PAM: variants seen among roughly 807,000 people sequenced by gnomAD.
PAM encodes the protein peptidyl-glycine alpha-amidating monooxygenase.
PAM carries 72 observed loss-of-function variants against 122.1 expected under a neutral mutation model. That is an observed-to-expected ratio of 0.59 (90% CI 0.49 to 0.72). The LOEUF (loss-of-function observed/expected upper bound fraction) is 0.72, where lower values mean the gene tolerates loss of function less well. Among genes scored for constraint, PAM ranks in the 30% least tolerant of loss-of-function variants. The pLI, the probability that PAM is intolerant of heterozygous loss-of-function variation, is 0.00. For synonymous variants in PAM, 389 were observed against 404.4 expected (o/e 0.96, Z 0.46); for missense variants, 1,106 against 1,183.7 (o/e 0.93, Z 0.96).
At chr5:102,934,264 T>C (rs1435484117) in intron 7 of PAM, among the ~76,000 whole-genome samples, 2 of 152,144 alleles carry the variant, frequency 1.3e-5, no homozygotes, top group Non-Finnish European at 2.9e-5. Context: ...TAAGCACTCA[T>C]CCTAGCCTTC....
rs189751226 is a variant in PAM at position 102,924,878 on chromosome 5, C to A, written c.357-79C>A. ...TACTTTGGTTTCAAATACCTTCCCC[C>A]ATCACCTCCCACCATGGGGAGCAAT... is the stretch of plus-strand genomic sequence containing the variant. On this transcript the variant is annotated intron_variant, in intron 5 of 25. Transcript: ENST00000438793. The A allele has an allele frequency of 1.3e-5, 10 of 784,082 alleles. No homozygotes were observed. In the East Asian group the frequency reaches 2.2e-4, roughly 17 times the overall value. 48.6% of individuals were successfully genotyped at this position (784,082 alleles called of 1,614,324 possible).
At chr5:102,957,924 T>TA (rs1761292794) in intron 12 of PAM, among the ~76,000 whole-genome samples, 1 of 151,990 alleles carries the variant, frequency 6.6e-6, no homozygotes, top group Non-Finnish European at 1.5e-5. Flanking sequence ...GTAGGAAGAG[T>TA]AAAAAAAGTT....
At chr5:102,909,530 A>G (rs1341803046) in intron 4 of PAM, among the ~76,000 whole-genome samples, 2 of 151,866 alleles carry the variant, frequency 1.3e-5, no homozygotes, top group Non-Finnish European at 2.9e-5. Flanking sequence ...AATGGGGACT[A>G]TAGTCAGAAT....
intron 1 of PAM, among the ~76,000 whole-genome samples, chr5:102,812,873 C>T (rs941842153): frequency 2.0e-5 from 3 of 151,890 alleles, no homozygotes; most frequent in Non-Finnish European, 2.9e-5. Flanking sequence ...TCTTTATGTA[C>T]ATAGTAAGCT....
At chr5:103,027,251 G>T (rs1785210043) in intron 24 of PAM, among the ~76,000 whole-genome samples, 2 of 152,218 alleles carry the variant, frequency 1.3e-5, no homozygotes, top group Non-Finnish European at 2.9e-5. Context: ...TGTCCTTGCA[G>T]AACTTACAAT....
chr5:102,811,917 C>G (rs1768033552), intron 1 of PAM, among the ~76,000 whole-genome samples: 1 of 152,138 alleles, frequency 6.6e-6, no homozygotes, highest in Admixed American at 6.5e-5. Context: ...TGACACTATT[C>G]TTAGTTTAAT....
At chr5:102,979,238 A>G (rs1274008179) in intron 15 of PAM, among the ~76,000 whole-genome samples, 3 of 152,162 alleles carry the variant, frequency 2.0e-5, no homozygotes, top group African/African-American at 4.8e-5. Context: ...ATTTGCAATT[A>G]AAGAAATTTT....
chr5:102,993,117 A>G (rs907436679), intron 16 of PAM, among the ~76,000 whole-genome samples: 15 of 152,122 alleles, frequency 9.9e-5, no homozygotes, highest in African/African-American at 3.4e-4. Context: ...GACCTGAAAG[A>G]TGATAGTCAC....
chr5:102,993,898 C>A (rs568926441), intron 16 of PAM, among the ~76,000 whole-genome samples: 25 of 152,200 alleles, frequency 1.6e-4, no homozygotes, highest in African/African-American at 3.1e-4. Flanking sequence ...TCTCATTGCA[C>A]GTTAAACCAG....
chr5:102,845,100 A>G (rs1779644416), intron 1 of PAM, among the ~76,000 whole-genome samples: 1 of 152,220 alleles, frequency 6.6e-6, no homozygotes, highest in Non-Finnish European at 1.5e-5. Context: ...TGCATTTCCA[A>G]TAAGCTCCCA....
At chr5:102,776,439 G>T (rs553816944) in intron 1 of PAM, among the ~76,000 whole-genome samples, 3 of 152,138 alleles carry the variant, frequency 2.0e-5, no homozygotes, top group African/African-American at 7.2e-5. Context: ...GTATTGCCTA[G>T]ATTTTCTTCT....
chr5:102,801,675 C>T (rs1168193656), intron 1 of PAM, among the ~76,000 whole-genome samples: 1 of 151,950 alleles, frequency 6.6e-6, no homozygotes, highest in African/African-American at 2.4e-5. Context: ...CCCTCTTATG[C>T]TTCCTTTTAT....
chr5:102,855,189 C>T (rs1256316163), intron 1 of PAM, among the ~76,000 whole-genome samples: 1 of 151,998 alleles, frequency 6.6e-6, no homozygotes, highest in Non-Finnish European at 1.5e-5. Context: ...ATTCTAAACC[C>T]AATTGAGCAG....
At chr5:102,859,166 T>C (rs1446014492) in intron 1 of PAM, among the ~76,000 whole-genome samples, 1 of 152,198 alleles carries the variant, frequency 6.6e-6, no homozygotes, top group Non-Finnish European at 1.5e-5. Flanking sequence ...AAAAAAAATG[T>C]TAACTGTAAA....
chr5:103,021,350 C>T (rs1783493746), intron 23 of PAM, among the ~76,000 whole-genome samples: 1 of 152,132 alleles, frequency 6.6e-6, no homozygotes, highest in South Asian at 2.1e-4. Context: ...TACTCTGAAA[C>T]CTCTAGAATT....
At chr5:102,883,285 A>G (rs1222090945) in intron 3 of PAM, among the ~76,000 whole-genome samples, 3 of 151,834 alleles carry the variant, frequency 2.0e-5, no homozygotes, top group Non-Finnish European at 4.4e-5. Flanking sequence ...TGGGAATTGC[A>G]TTGAATTTGT....
intron 7 of PAM, among the ~76,000 whole-genome samples, chr5:102,931,764 GC>G (rs1269878982): frequency 2.0e-5 from 3 of 151,960 alleles, no homozygotes; most frequent in African/African-American, 7.2e-5. Context: ...AGCTCTTGGC[GC>G]ATATGGGAAA....
At chr5:102,811,577 A>G (rs1767924030) in intron 1 of PAM, among the ~76,000 whole-genome samples, 1 of 152,214 alleles carries the variant, frequency 6.6e-6, no homozygotes, top group Non-Finnish European at 1.5e-5. Flanking sequence ...CCTTTCGGCC[A>G]TGTAAGTTAA....
At chr5:102,842,226 A>ATATATATATATATATC (rs1778843287) in intron 1 of PAM, among the ~76,000 whole-genome samples, 2 of 151,354 alleles carry the variant, frequency 1.3e-5, no homozygotes, top group African/African-American at 4.9e-5. Context: ...ATATATATAT[A>ATATATATATATATATC]TCTCCACATA....
Sources: allele counts gnomAD v4.1 joint callset (sites outside exome capture counted in the v4.1 genomes callset), GRCh38; gene constraint gnomAD v4.1.1; transcripts MANE v1.5; gene names NCBI Gene and HGNC (gene_info 2026-07-23, HGNC 2026-07-21).